RTEL1: variants seen among roughly 807,000 people sequenced by gnomAD.
The protein encoded by RTEL1 is regulator of telomere length.
Under a neutral mutation model 162.2 loss-of-function variants are expected in RTEL1, and 86 were observed. That is an observed-to-expected ratio of 0.53 (90% CI 0.45 to 0.63). RTEL1 has a LOEUF of 0.63. Ranked by LOEUF, RTEL1 falls within the 30% of genes least tolerant of loss-of-function variation. The probability of loss-of-function intolerance (pLI) is 0.00; values close to 1 mark genes in which losing one functional copy is unlikely to be tolerated. For missense variants in RTEL1, 1,941 were observed against 1,750.2 expected (o/e 1.11, Z -1.95); for synonymous variants, 958 against 717.9 (o/e 1.33, Z -5.35).
intron 10 of RTEL1, among the ~76,000 whole-genome samples, chr20:63,675,502 T>TTA (rs11468552): frequency 7.5e-4 from 113 of 150,508 alleles, no homozygotes; most frequent in East Asian, 5.5e-3. Context: ...TAGAATCCCT[T>TTA]TATATATATA....
chr20:63,692,685 C>T, intron 28 of RTEL1, 120 bp from the exon 29 acceptor site: 7 of 966,438 alleles, frequency 7.2e-6, no homozygotes, highest in Admixed American at 2.3e-5. Context: ...TCTCAGGCAG[C>T]AGCCCCACCT....
intron 7 of RTEL1, among the ~76,000 whole-genome samples, chr20:63,666,814 G>C (rs2090137682): frequency 6.7e-6 from 1 of 149,516 alleles, no homozygotes; most frequent in African/African-American, 2.5e-5. Flanking sequence ...ACAGGCGTGA[G>C]ACCCCATGCC....
chr20:63,685,412 G>T, intron 14 of RTEL1, 111 bp from the exon 15 acceptor site: 1 of 1,096,358 alleles, frequency 9.1e-7, no homozygotes, highest in Non-Finnish European at 1.3e-6. Context: ...GCAGGGGCCG[G>T]TGAACCGATG....
intron 4 of RTEL1, chr20:63,662,289 G>A: frequency 1.5e-6 from 1 of 682,384 alleles, no homozygotes; most frequent in Non-Finnish European, 2.6e-6. Context: ...TCAGAGCCCA[G>A]CAGAGTCTTG....
At position 63,695,337 on chromosome 20, in the gene RTEL1, G is replaced by C; in HGVS notation, c.3509G>C (p.Arg1170Pro). The stretch of plus-strand genomic sequence containing the variant: ...AAGTCTCTGTCTCCAGGCCCCTCAC[G>C]GTCCGAGAAGACCGGGAAGACCCAG... ...THRAPQPGPS[R>P]SEKTGKTQSK... The change falls in exon 34 of 35, where the codon CGG becomes CCG. Residue 1170 changes from arginine (R) to proline (P), a missense_variant. Arg to Pro is a moderately radical substitution (Grantham distance 103). Coordinates refer to ENST00000360203, the MANE Select transcript of RTEL1 (RefSeq NM_001283009.2). 2 of 1,555,716 alleles carry C rather than the reference G, an allele frequency of 1.3e-6. No individual in the cohort carries two copies. The highest frequency in any genetic ancestry group is 8.7e-7 in the Non-Finnish European group (1 of 1,150,760).
chr20:63,689,696 G>A (rs780474074), intron 23 of RTEL1, 48 bp downstream of exon 23: 1 of 1,603,732 alleles, frequency 6.2e-7, no homozygotes, highest in East Asian at 2.2e-5. Context: ...TGGTGACTGA[G>A]CCCCCGCCCC....
intron 9 of RTEL1, among the ~76,000 whole-genome samples, chr20:63,673,086 G>T (rs1212069901): frequency 1.3e-5 from 2 of 150,082 alleles, no homozygotes; most frequent in African/African-American, 2.5e-5. Context: ...GACAAAGCGG[G>T]ATTCTGTGTC....
Position 63,690,448 on chromosome 20 carries a change from A to C in RTEL1, c.2413+7A>C, listed in dbSNP as rs1240054113. On this transcript the variant is annotated splice_region_variant and intron_variant, in intron 26 of 34. Coordinates refer to ENST00000360203, the MANE Select transcript of RTEL1 (RefSeq NM_001283009.2). ...CTGAAGCAGAGGTCCTCAGGTGCGG[A>C]CGGGCAGCGCTGGGTGGGCGGTGTG... 1.4e-6 allele frequency: 2 copies of C among 1,411,386 alleles called. No homozygotes were observed. Among genetic ancestry groups the C allele is most frequent in the Admixed American group, 3.9e-5 (2 of 50,646 alleles). 87.4% of individuals were successfully genotyped at this position (1,411,386 alleles called of 1,614,324 possible).
intron 10 of RTEL1, among the ~76,000 whole-genome samples, chr20:63,677,574 C>T (rs1291773847): frequency 6.6e-6 from 1 of 152,214 alleles, no homozygotes; most frequent in East Asian, 1.9e-4. Flanking sequence ...GATGGCGCTG[C>T]TGCACCCCTG....
intron 28 of RTEL1, 64 bp downstream of exon 28, chr20:63,691,901 G>C: frequency 2.9e-6 from 4 of 1,375,078 alleles, no homozygotes; most frequent in Non-Finnish European, 4.1e-6. Flanking sequence ...GCAGCCGTGG[G>C]TGCCCCCAGC....
rs767785999 is a variant in RTEL1, at chr20:63,692,961, C to G, written c.2809C>G (p.Pro937Ala). The G allele has an allele frequency of 6.2e-7, 1 of 1,612,660 alleles. No homozygotes were observed. Among genetic ancestry groups the G allele is most frequent in the Non-Finnish European group, 8.5e-7 (1 of 1,179,852 alleles). The part of the protein sequence containing the change: ...DFAALAACLG[P>A]LFAEDPKKHN... ...CGCCGCCCTGGCCGCCTGTCTCGGC[C>G]CCCTCTTTGCTGAGGACCCCAAGAA... The change falls in exon 29 of 35, where the codon CCC (proline) becomes GCC (alanine). Residue 937 changes from proline (P) to alanine (A), a missense_variant. Pro to Ala is a conservative substitution (Grantham distance 27). Coordinates refer to ENST00000360203, the MANE Select transcript of RTEL1 (RefSeq NM_001283009.2).
chr20:63,675,396 C>T (rs886589504), intron 10 of RTEL1, among the ~76,000 whole-genome samples: 4 of 152,130 alleles, frequency 2.6e-5, no homozygotes, highest in East Asian at 1.9e-4. Flanking sequence ...TGGGGAGCCC[C>T]GTCCTCACCC....
intron 2 of RTEL1, chr20:63,660,901 C>T (rs149928728): frequency 1.0e-3 from 219 of 211,346 alleles, no homozygotes; most frequent in African/African-American, 4.9e-3. Context: ...TTCCCCTCCC[C>T]GAGTTTCCTG....
At chr20:63,663,095 G>C (rs766459594) in intron 6 of RTEL1, 14 of 611,932 alleles carry the variant, frequency 2.3e-5, no homozygotes, top group African/African-American at 5.5e-5. Flanking sequence ...CAGCCAGCCG[G>C]CAAGACTGCC....
At chr20:63,671,488 A>G (rs1255730960) in intron 8 of RTEL1, among the ~76,000 whole-genome samples, 1 of 147,550 alleles carries the variant, frequency 6.8e-6, no homozygotes, top group Non-Finnish European at 1.5e-5. Flanking sequence ...AATGTGTGAA[A>G]TTTTTTTTTT....
chr20:63,673,918 T>G lies in RTEL1; in HGVS notation c.766-22T>G. 2.5e-6 allele frequency: 4 copies of G among 1,598,420 alleles called. No individual in the cohort carries two copies. The South Asian group carries it at 4.5e-5, about 18-fold the overall frequency. ...CCGATCCTGTCCTGTTCTGTGGTGA[T>G]TCGGGTGTGCTTGGGCTCTAGGAGA... On this transcript the variant is annotated intron_variant, in intron 9 of 34. Transcript: ENST00000360203.
chr20:63,693,549 ACCACCTCCACCTCCACCACCT>A (rs1601188639), intron 30 of RTEL1, among the ~76,000 whole-genome samples: 5 of 14,502 alleles, frequency 3.4e-4, no homozygotes, highest in Admixed American at 1.7e-3. Flanking sequence ...CACCACCACC[ACCACCTCCACCTCCACCACCT>A]CCACCTCCAC....
intron 30 of RTEL1, among the ~76,000 whole-genome samples, 165 bp downstream of exon 30, chr20:63,693,448 G>GCACCACCTCCACCTTCACCTCCACCAC (rs2090827498): frequency 2.4e-5 from 1 of 42,320 alleles, no homozygotes; most frequent in Non-Finnish European, 5.2e-5. Flanking sequence ...AGCACCAGCA[G>GCACCACCTCCACCTTCACCTCCACCAC]CACCACCTCC....
At chr20:63,673,321 G>A (rs568785580) in intron 9 of RTEL1, among the ~76,000 whole-genome samples, 20 of 152,162 alleles carry the variant, frequency 1.3e-4, no homozygotes, top group Admixed American at 1.3e-3. Context: ...TCGAACCCAG[G>A]AGGTAGAGGT....
Sources: allele counts gnomAD v4.1 joint callset (sites outside exome capture counted in the v4.1 genomes callset), GRCh38; gene constraint gnomAD v4.1.1; transcripts MANE v1.5; gene names NCBI Gene and HGNC (gene_info 2026-07-23, HGNC 2026-07-21).